DENND2B: variants seen among roughly 807,000 people sequenced by gnomAD.
DENND2B encodes the protein DENN domain containing 2B, also known as DENN domain-containing protein 2B.
Under a neutral mutation model 116.0 loss-of-function variants are expected in DENND2B, and 32 were observed. That is an observed-to-expected ratio of 0.28 (90% CI 0.21 to 0.37). The LOEUF (loss-of-function observed/expected upper bound fraction) is 0.37, where lower values mean the gene tolerates loss of function less well. DENND2B is among the 10% of genes least tolerant of loss of function. The pLI is 1.00. For synonymous variants in DENND2B, 588 were observed against 583.9 expected (o/e 1.01, Z -0.10); for missense variants, 1,276 against 1,477.7 (o/e 0.86, Z 2.24).
chr11:8,846,974 C>T (rs984324009), intron 3 of DENND2B, among the ~76,000 whole-genome samples: 5 of 141,902 alleles, frequency 3.5e-5, no homozygotes, highest in African/African-American at 1.6e-4. Context: ...TTCCAATGGA[C>T]ACACACTGTC....
At chr11:8,781,312 G>C (rs987140720) in intron 1 of DENND2B, among the ~76,000 whole-genome samples, 1 of 152,122 alleles carries the variant, frequency 6.6e-6, no homozygotes, top group East Asian at 1.9e-4. Flanking sequence ...TTGCCAGCCC[G>C]GGCTTGGAAG....
At chr11:8,858,985 TC>T (rs2063293683) in intron 2 of DENND2B, among the ~76,000 whole-genome samples, 1 of 152,168 alleles carries the variant, frequency 6.6e-6, no homozygotes, top group African/African-American at 2.4e-5. Flanking sequence ...AGCCAGGGAA[TC>T]ACCTAAGAAA....
intron 4 of DENND2B, among the ~76,000 whole-genome samples, chr11:8,720,541 C>T (rs2045977574): frequency 6.6e-6 from 1 of 152,232 alleles, no homozygotes; most frequent in Non-Finnish European, 1.5e-5. Context: ...TGTTTAACAT[C>T]CTGTCTAATG....
intron 3 of DENND2B, among the ~76,000 whole-genome samples, chr11:8,842,654 T>C (rs887294824): frequency 3.3e-5 from 5 of 152,048 alleles, no homozygotes; most frequent in Admixed American, 6.5e-5. Flanking sequence ...GGGAAAAAAA[T>C]TGTCATAAAT....
At chr11:8,793,035 G>T (rs565792347) in intron 1 of DENND2B, among the ~76,000 whole-genome samples, 96 of 152,272 alleles carry the variant, frequency 6.3e-4, no homozygotes, top group African/African-American at 2.2e-3. Flanking sequence ...CAATTCAATT[G>T]TCCGTCAAAA....
intron 4 of DENND2B, chr11:8,718,105 C>CCCCCCCACCCCCCCA: frequency 4.0e-6 from 1 of 251,300 alleles, no homozygotes; most frequent in South Asian, 4.5e-5. Flanking sequence ...CACCCCCCCA[C>CCCCCCCACCCCCCCA]CCCCCCCAAC....
At chr11:8,766,574 C>A in intron 1 of DENND2B, 4 of 1,267,354 alleles carry the variant, frequency 3.2e-6, no homozygotes, top group Non-Finnish European at 4.1e-6. Context: ...AGGGCTTCCA[C>A]TGACAGACCA....
chr11:8,712,108 G>A lies in DENND2B; in HGVS notation c.2172+443C>T, dbSNP rs1457179291. On this transcript the variant is annotated intron_variant, in intron 9 of 19. Transcript: ENST00000313726. The surrounding 1 kb of genome is among the most constrained non-coding windows in gnomAD (Gnocchi z 4.4). ...GAAGAGGGAGGCCAGGCTGGCTGGC[G>A]ACAAGCAGGGAAGGCGGAGTGAGAG... 1.5e-5 allele frequency: 6 copies of A among 404,912 alleles called. No individual in the cohort carries two copies. The highest frequency in any genetic ancestry group is 5.2e-5 in the South Asian group (3 of 57,422). The allele number at this position is 404,912 out of a possible 1,614,324, so 25.1% of individuals were successfully genotyped here.
At chr11:8,697,474 G>C (rs2270957) in intron 17 of DENND2B, 51 bp downstream of exon 17, 1 of 1,470,982 alleles carries the variant, frequency 6.8e-7, no homozygotes, top group South Asian at 1.1e-5. Context: ...CCCTGACCCA[G>C]AGCAGAGGGA....
intron 3 of DENND2B, among the ~76,000 whole-genome samples, chr11:8,851,621 C>T (rs1465693102): frequency 2.0e-5 from 3 of 152,162 alleles, no homozygotes; most frequent in African/African-American, 7.2e-5. Context: ...TAAAAATGTT[C>T]ATCCCTTTTA....
At chr11:8,758,126 C>T (rs967163975) in intron 1 of DENND2B, among the ~76,000 whole-genome samples, 5 of 152,116 alleles carry the variant, frequency 3.3e-5, no homozygotes, top group Non-Finnish European at 7.4e-5. Context: ...TTTTAGTAAG[C>T]GCTTTAAATC....
At chr11:8,798,729 C>T (rs1213834969) in intron 1 of DENND2B, among the ~76,000 whole-genome samples, 2 of 151,920 alleles carry the variant, frequency 1.3e-5, no homozygotes, top group African/African-American at 4.8e-5. Context: ...GTTTACCAAA[C>T]AGTTGTGGGT....
chr11:8,695,546 A>G lies in DENND2B; in HGVS notation c.3296T>C (p.Leu1099Pro). 6.2e-7 allele frequency: 1 copy of G among 1,613,892 alleles called. No individual in the cohort carries two copies. The highest frequency in any genetic ancestry group is 8.5e-7 in the Non-Finnish European group (1 of 1,179,980). Residue 1099 changes from leucine (L) to proline (P), a missense_variant, in exon 19 of 20, where the codon CTT becomes CCT. By Grantham distance (98) the Leu-to-Pro change is moderately conservative. This residue lies in a region of DENND2B where 420 missense variants were observed against 631.1 expected (regional missense o/e 0.67). Coordinates refer to ENST00000313726, the MANE Select transcript of DENND2B (RefSeq NM_213618.2). ...RELRKCRAKGLFEQRVEQYLE... is the reference protein window; with the variant it reads ...RELRKCRAKGPFEQRVEQYLE... ...GTACTGCTCCACTCGCTGCTCAAAA[A>G]GGCCTGGGTAAAAGAAACAGGCACA... is the stretch of plus-strand genomic sequence containing the variant.
At chr11:8,728,795 A>C (rs941499730) in intron 3 of DENND2B, among the ~76,000 whole-genome samples, 1 of 152,216 alleles carries the variant, frequency 6.6e-6, no homozygotes, top group Non-Finnish European at 1.5e-5. Flanking sequence ...CAGACCACGA[A>C]GTCCTTGAAT....
At chr11:8,719,335 G>A (rs889940668) in intron 4 of DENND2B, among the ~76,000 whole-genome samples, 4 of 152,190 alleles carry the variant, frequency 2.6e-5, no homozygotes, top group African/African-American at 9.7e-5. Context: ...TTAGGGTGTG[G>A]GTGTGAAGGA....
At chr11:8,886,287 G>C (rs1180544948) in intron 1 of DENND2B, among the ~76,000 whole-genome samples, 1 of 152,072 alleles carries the variant, frequency 6.6e-6, no homozygotes, top group Non-Finnish European at 1.5e-5. Flanking sequence ...TTAAGGCTTT[G>C]CCTTTTCTAC....
At chr11:8,706,169 C>T (rs944108208) in intron 13 of DENND2B, among the ~76,000 whole-genome samples, 7 of 152,126 alleles carry the variant, frequency 4.6e-5, no homozygotes, top group Admixed American at 6.6e-5. Context: ...CGCTTGAGCC[C>T]GGGAGGGTGA....
rs754231435 is a variant in DENND2B at position 8,726,190 on chromosome 11, C to T, written c.1360G>A (p.Asp454Asn). The change falls in exon 4 of 20, where the codon GAT becomes AAT. Residue 454 changes from aspartate to asparagine, a missense_variant. By Grantham distance (23) the Asp-to-Asn change is conservative (BLOSUM62 1). Coordinates refer to ENST00000313726, the MANE Select transcript of DENND2B (RefSeq NM_213618.2). Reference protein sequence around the residue: ...SQSRKSFEFEDASSLQSLYPS... With the variant: ...SQSRKSFEFENASSLQSLYPS... ...TACAGGGACTGGAGACTGGATGCATCCTCAAACTCAAAGGATTTTCTGTGG... is the reference window on the plus strand; with the variant it reads ...TACAGGGACTGGAGACTGGATGCATTCTCAAACTCAAAGGATTTTCTGTGG... 1.9e-6 allele frequency: 3 copies of T among 1,610,802 alleles called. No homozygotes were observed. In the South Asian group the frequency reaches 3.3e-5, roughly 18 times the overall value.
chr11:8,770,622 C>T (rs569084199), intron 1 of DENND2B, among the ~76,000 whole-genome samples: 3 of 152,284 alleles, frequency 2.0e-5, no homozygotes, highest in East Asian at 3.9e-4. Flanking sequence ...TTGAGTGAGT[C>T]CAGACCTAAT....
Sources: gnomAD v4.1 joint callset for allele counts (sites outside exome capture counted in the v4.1 genomes callset) on GRCh38, gnomAD v4.1.1 for gene constraint, gnomAD v4.1.1 regional missense constraint, Gnocchi (gnomAD v3.1) non-coding constraint, MANE v1.5 for transcripts, NCBI Gene and HGNC (gene_info 2026-07-23, HGNC 2026-07-21) for gene names.